Variants in NSD1 observed in about 807,000 individuals in gnomAD.
The protein encoded by NSD1 is nuclear receptor binding SET domain protein 1.
In NSD1, 26 loss-of-function variants were observed where a neutral mutation model predicts 242.7. The ratio of observed to expected loss-of-function variants is 0.11; its 90% CI spans 0.08 to 0.15. The LOEUF is 0.15. NSD1 is among the 10% of genes least tolerant of loss of function. NSD1 has a pLI of 1.00. For synonymous variants in NSD1, 1,106 were observed against 1,178.1 expected, an observed-to-expected ratio of 0.94 and a Z score of 1.25; for missense variants, 2,495 against 3,272.8, an observed-to-expected ratio of 0.76 and a Z score of 5.80.
intron 2 of NSD1, among the ~76,000 whole-genome samples, chr5:177,186,536 G>T (rs1562173389): frequency 6.6e-6 from 1 of 152,058 alleles, no homozygotes; most frequent in Non-Finnish European, 1.5e-5. Flanking sequence ...TGAAAGTAAA[G>T]ATCTCGTCCA....
At chr5:177,266,875 T>G (rs1757525894) in intron 14 of NSD1, 1 of 168,024 alleles carries the variant, frequency 6.0e-6, no homozygotes. Context: ...TTTATATATT[T>G]ATTTATTTGA....
intron 2 of NSD1, among the ~76,000 whole-genome samples, chr5:177,174,619 C>T (rs1255096345): frequency 2.0e-5 from 3 of 151,568 alleles, no homozygotes; most frequent in Non-Finnish European, 4.4e-5. Context: ...AGTGCAATGG[C>T]GTGATCTTGG....
intron 2 of NSD1, among the ~76,000 whole-genome samples, chr5:177,152,861 T>C (rs1349847699): frequency 1.3e-5 from 2 of 151,756 alleles, no homozygotes; most frequent in African/African-American, 2.4e-5. Context: ...AATTTTTGTA[T>C]TTTTAGTAGA....
At chr5:177,230,620 G>A (rs1424799042) in intron 5 of NSD1, among the ~76,000 whole-genome samples, 1 of 152,088 alleles carries the variant, frequency 6.6e-6, no homozygotes, top group Non-Finnish European at 1.5e-5. Context: ...GAGGACAGGA[G>A]TTTGAGACCA....
intron 2 of NSD1, among the ~76,000 whole-genome samples, chr5:177,170,354 T>G (rs1395328082): frequency 6.6e-6 from 1 of 151,360 alleles, no homozygotes; most frequent in Non-Finnish European, 1.5e-5. Flanking sequence ...TGATTTTATT[T>G]AATTTTTTTT....
At chr5:177,169,748 G>T (rs1759531699) in intron 2 of NSD1, 1 of 152,028 alleles carries the variant, frequency 6.6e-6, no homozygotes, top group African/African-American at 2.4e-5. Flanking sequence ...ATAACATAAA[G>T]CAAGAAAGTG....
chr5:177,167,484 G>A (rs1279664854), intron 2 of NSD1, among the ~76,000 whole-genome samples: 5 of 151,978 alleles, frequency 3.3e-5, no homozygotes, highest in Non-Finnish European at 5.9e-5. Context: ...GCGGTGAGCC[G>A]AGATCGCGCC....
chr5:177,220,539 C>A (rs1043151858), intron 5 of NSD1, among the ~76,000 whole-genome samples: 6 of 144,326 alleles, frequency 4.2e-5, no homozygotes, highest in Non-Finnish European at 4.5e-5. Context: ...GGAGTTTAAT[C>A]CATTTTTTTT....
intron 2 of NSD1, among the ~76,000 whole-genome samples, chr5:177,189,531 T>C (rs543625825): frequency 3.3e-4 from 51 of 152,334 alleles, no homozygotes; most frequent in African/African-American, 1.2e-3. Context: ...TTTGTTGTTA[T>C]TGGATAACAG....
intron 2 of NSD1, among the ~76,000 whole-genome samples, chr5:177,159,655 G>A (rs1758572273): frequency 6.6e-6 from 1 of 150,586 alleles, no homozygotes; most frequent in South Asian, 2.1e-4. Flanking sequence ...GAGTGCAATG[G>A]TGCGATCTTG....
chr5:177,269,466 G>A lies in NSD1; in HGVS notation c.5304-136G>A. 2 of 788,626 alleles carry A rather than the reference G, an allele frequency of 2.5e-6. No homozygotes were observed. Among genetic ancestry groups the A allele is most frequent in the Non-Finnish European group, 4.3e-6 (2 of 463,992 alleles). The allele number at this position is 788,626 out of a possible 1,614,324, so 48.9% of individuals were successfully genotyped here. On this transcript the variant is annotated intron_variant, in intron 15 of 22. Coordinates refer to ENST00000439151, the MANE Select transcript of NSD1 (RefSeq NM_022455.5). The surrounding 1 kb of genome is among the most constrained non-coding windows in gnomAD (Gnocchi z 5.1). ...TACGACTTGTTTGTGTTCTAGTTAG[G>A]TTGTAAGAATGCCGTAAGATGGACT... is the stretch of plus-strand genomic sequence containing the variant.
Position 177,294,820 on chromosome 5 carries a change from A to G in NSD1, c.7452A>G (p.Pro2484=), listed in dbSNP as rs146676933. 7 of 1,612,672 alleles carry G rather than the reference A, an allele frequency of 4.3e-6. No individual in the cohort carries two copies. The African/African-American group carries it at 9.3e-5, about 22-fold the overall frequency. ...CACCACAGGCTGATGAGAAGATGCCAGTGTTGGAGTCAAGTTCATGGCCTG... is the reference window on the plus strand; with the variant it reads ...CACCACAGGCTGATGAGAAGATGCCGGTGTTGGAGTCAAGTTCATGGCCTG... The part of the protein sequence containing the change: ...QVTPQADEKM[P]VLESSSWPAS... The change falls in exon 23 of 23, where the codon CCA becomes CCG. Residue 2484 remains proline (P), a synonymous_variant. Coordinates refer to ENST00000439151, the MANE Select transcript of NSD1 (RefSeq NM_022455.5).
chr5:177,184,394 TGTTTGCCATTC>T (rs1357823286), intron 2 of NSD1, among the ~76,000 whole-genome samples: 4 of 152,252 alleles, frequency 2.6e-5, no homozygotes, highest in Non-Finnish European at 5.9e-5. Flanking sequence ...GTCATATTCT[TGTTTGCCATTC>T]GTATGTCTTT....
At chr5:177,229,676 G>C (rs989371015) in intron 5 of NSD1, 6 of 352,734 alleles carry the variant, frequency 1.7e-5, no homozygotes, top group Admixed American at 7.2e-5. Context: ...CATAGGTAGG[G>C]AGTTGGGGTA....
rs746387762 is a variant in NSD1 at position 177,256,911 on chromosome 5, T to G, written c.4766-40T>G. The G allele has an allele frequency of 2.6e-6, 4 of 1,549,800 alleles. No homozygotes were observed. In the African/African-American group the frequency reaches 5.4e-5, roughly 21 times the overall value. On this transcript the variant is annotated intron_variant, in intron 12 of 22. Transcript: ENST00000439151. ...CCTAATGGTTTAGCATTTGGTAGAT[T>G]CTTGAATTCTTACTAATTTATCTTC...
intron 2 of NSD1, among the ~76,000 whole-genome samples, chr5:177,189,146 A>C (rs1286960251): frequency 6.6e-6 from 1 of 152,216 alleles, no homozygotes; most frequent in Non-Finnish European, 1.5e-5. Context: ...TTGGGGCTTA[A>C]AATACTGGGA....
In NSD1 at chr5:177,210,602, G is replaced by A. The variant is rs765039385; in HGVS notation, c.2203G>A (p.Ala735Thr). Residue 735 changes from alanine to threonine, a missense_variant, in exon 5 of 23, where the codon GCA becomes ACA. Physicochemically the swap from Ala to Thr is moderately conservative, Grantham distance 58. This residue lies in a region of NSD1 where 515 missense variants were observed against 467.0 expected (regional missense o/e 1.10). Transcript: ENST00000439151. ...TCAGGTTAATCTCTCTGATCTGAAG[G>A]CATCTACTCTTGTTCACAAACCCCA... ...TSQVNLSDLKASTLVHKPQSD... is the reference protein window; with the variant it reads ...TSQVNLSDLKTSTLVHKPQSD... 6.2e-7 allele frequency: 1 copy of A among 1,614,016 alleles called. No homozygotes were observed. Among genetic ancestry groups the A allele is most frequent in the Non-Finnish European group, 8.5e-7 (1 of 1,180,006 alleles).
intron 2 of NSD1, among the ~76,000 whole-genome samples, chr5:177,159,951 G>A (rs952518561): frequency 6.6e-6 from 1 of 151,860 alleles, no homozygotes; most frequent in Admixed American, 6.6e-5. Flanking sequence ...ATGCAGCGGT[G>A]TGATCTTAGC....
Position 177,280,566 on chromosome 5 carries a change from T to C in NSD1, c.5624T>C (p.Val1875Ala). 1 of 1,614,250 alleles carries C rather than the reference T, an allele frequency of 6.2e-7. No homozygotes were observed. The highest frequency in any genetic ancestry group is 8.5e-7 in the Non-Finnish European group (1 of 1,180,040). The part of the protein sequence containing the change: ...KKPPPYKHIK[V>A]NRPIGRVQIF... ...GTGTACTTTGTGTTACTTTTCCAGG[T>C]AAACCGTCCTATTGGCAGGGTACAG... Residue 1875 changes from valine to alanine, a missense_variant and splice_region_variant, in exon 18 of 23, where the codon GTA becomes GCA. Transcript: ENST00000439151.
Sources: allele counts gnomAD v4.1 joint callset (sites outside exome capture counted in the v4.1 genomes callset), GRCh38; gene constraint gnomAD v4.1.1; regional missense constraint gnomAD v4.1.1; non-coding constraint Gnocchi (gnomAD v3.1); transcripts MANE v1.5; gene names NCBI Gene and HGNC (gene_info 2026-07-23, HGNC 2026-07-21).